HELZ: variants seen among roughly 807,000 people sequenced by gnomAD.
The protein encoded by HELZ is helicase with zinc finger.
HELZ carries 23 observed loss-of-function variants against 218.2 expected under a neutral mutation model. The observed-to-expected ratio is 0.11, with a 90% CI of 0.08 to 0.15. The LOEUF (loss-of-function observed/expected upper bound fraction) is 0.15. HELZ is among the 10% of genes least tolerant of loss of function. HELZ has a pLI of 1.00. For synonymous variants in HELZ, 814 were observed against 829.4 expected, an observed-to-expected ratio of 0.98 and a Z score of 0.32; for missense variants, 1,813 against 2,353.7, an observed-to-expected ratio of 0.77 and a Z score of 4.75.
intron 13 of HELZ, among the ~76,000 whole-genome samples, chr17:67,170,555 G>A (rs564749325): frequency 6.6e-6 from 1 of 152,100 alleles, no homozygotes; most frequent in East Asian, 1.9e-4. Flanking sequence ...GGCCAGGCAT[G>A]GGGGCTCACA....
intron 24 of HELZ, among the ~76,000 whole-genome samples, chr17:67,127,618 C>T (rs150031260): frequency 2.3e-3 from 349 of 152,270 alleles, no homozygotes; most frequent in African/African-American, 8.0e-3. Context: ...GAAGCCAAGG[C>T]GTGCAGATCA....
At chr17:67,165,914 T>G (rs910497038) in intron 15 of HELZ, among the ~76,000 whole-genome samples, 3 of 152,172 alleles carry the variant, frequency 2.0e-5, no homozygotes, top group Non-Finnish European at 2.9e-5. Context: ...GGAAGGTCTC[T>G]TGAGGCCAGG....
rs192553097 is a variant in HELZ at position 67,168,133 on chromosome 17, C to G, written c.1431-337G>C. Among the ~76,000 whole-genome samples, 422 of 152,192 alleles carry G rather than the reference C, an allele frequency of 2.8e-3. 7 individuals are homozygous for G. The highest frequency in any genetic ancestry group is 1.7e-3 in the Non-Finnish European group (116 of 68,000). Reference sequence around the variant, plus strand: ...AGTAGCTGGGATTACAGATGCCCACCACGCCCGGCTAATTTTTGTATTTTT... The same window carrying G: ...AGTAGCTGGGATTACAGATGCCCACGACGCCCGGCTAATTTTTGTATTTTT... On this transcript the variant is annotated intron_variant, in intron 13 of 32. Coordinates refer to ENST00000358691, the MANE Select transcript of HELZ (RefSeq NM_014877.4).
At chr17:67,159,833 C>T (rs1027235925) in intron 17 of HELZ, among the ~76,000 whole-genome samples, 4 of 152,138 alleles carry the variant, frequency 2.6e-5, no homozygotes, top group Admixed American at 2.6e-4. Context: ...TAATGTGTAG[C>T]TTCTATGAAA....
At position 67,070,790 on chromosome 17, in the gene HELZ, T is replaced by C. The variant is rs2035867489; in HGVS notation, c.*7462A>G. The C allele has an allele frequency of 6.6e-6, 1 of 152,206 alleles. No homozygotes were observed. 9.4% of individuals were successfully genotyped at this position (152,206 alleles called of 1,614,324 possible). Reference sequence around the variant, plus strand: ...TTACTGCAAAGAAAAAAAATTGTTATAATTTTGCCATAAGTTATGCCTATT... The same window carrying C: ...TTACTGCAAAGAAAAAAAATTGTTACAATTTTGCCATAAGTTATGCCTATT... On this transcript the variant is annotated 3_prime_UTR_variant, in exon 33 of 33. Transcript: ENST00000358691.
chr17:67,081,402 T>C (rs1289979217), intron 32 of HELZ, among the ~76,000 whole-genome samples: 1 of 152,154 alleles, frequency 6.6e-6, no homozygotes, highest in Non-Finnish European at 1.5e-5. Context: ...CGGTAAAAGG[T>C]TAATATTAGA....
Position 67,108,651 on chromosome 17 carries a change from T to C in HELZ, c.4565A>G (p.His1522Arg), listed in dbSNP as rs746029485. Residue 1522 changes from histidine to arginine, a missense_variant, in exon 30 of 33, where the codon CAT becomes CGT. Around this residue, in one of 4 missense-constraint regions of HELZ, gnomAD observed 938 missense variants for 1,027.5 expected, o/e 0.91. Transcript: ENST00000358691. The surrounding 1 kb of genome is among the most constrained non-coding windows in gnomAD (Gnocchi z 4.1). ...AGCGCTGCCCTGACTGAGAAAGGCA[T>C]GATGCTCGCTCCACTGCTGGAACCG... ...QARFQQWSEH[H>R]AFLSQGSAPY... is the part of the protein sequence containing the mutation. 1.2e-6 allele frequency: 2 copies of C among 1,614,088 alleles called. No homozygotes were observed. The highest frequency in any genetic ancestry group is 2.2e-5 in the South Asian group (2 of 91,084).
At chr17:67,218,923 ACT>A in intron 3 of HELZ, 101 bp from the exon 4 acceptor site, 1 of 752,468 alleles carries the variant, frequency 1.3e-6, no homozygotes. Flanking sequence ...CTATCTGAAT[ACT>A]CTCAGCTAGC....
intron 3 of HELZ, among the ~76,000 whole-genome samples, chr17:67,231,529 C>T (rs1315584563): frequency 6.8e-6 from 1 of 146,732 alleles, no homozygotes; most frequent in African/African-American, 2.5e-5. Context: ...GGAGGCGGAG[C>T]TTGCAGTGAG....
At chr17:67,123,328 AT>A (rs1567819277) in intron 25 of HELZ, among the ~76,000 whole-genome samples, 168 bp from the exon 26 acceptor site, 1 of 151,946 alleles carries the variant, frequency 6.6e-6, no homozygotes, top group Non-Finnish European at 1.5e-5. Flanking sequence ...AAAAAAAAAA[AT>A]TTTTATAATG....
intron 31 of HELZ, among the ~76,000 whole-genome samples, chr17:67,098,007 A>T (rs2036801484): frequency 6.6e-6 from 1 of 152,222 alleles, no homozygotes. Flanking sequence ...ACTGGATACA[A>T]TTCAAGAAAT....
intron 5 of HELZ, among the ~76,000 whole-genome samples, chr17:67,213,893 A>C (rs1010373109): frequency 5.9e-5 from 9 of 152,196 alleles, no homozygotes; most frequent in African/African-American, 2.2e-4. Context: ...TGGTATACTG[A>C]TATGTAAGAA....
At chr17:67,159,952 TAA>T (rs759332886) in intron 17 of HELZ, among the ~76,000 whole-genome samples, 220 of 152,248 alleles carry the variant, frequency 1.4e-3, no homozygotes, top group Non-Finnish European at 1.2e-3. Context: ...AGATTTAATT[TAA>T]GTTATCATAT....
At chr17:67,226,799 G>A (rs2040905281) in intron 3 of HELZ, among the ~76,000 whole-genome samples, 1 of 152,026 alleles carries the variant, frequency 6.6e-6, no homozygotes, top group African/African-American at 2.4e-5. Context: ...AAACTACTCA[G>A]CAACAAAAAG....
At chr17:67,174,196 CT>C (rs1414959533) in intron 13 of HELZ, among the ~76,000 whole-genome samples, 1 of 145,308 alleles carries the variant, frequency 6.9e-6, no homozygotes, top group African/African-American at 2.7e-5. Context: ...AAAAATCATC[CT>C]TTAAAAAAAA....
intron 13 of HELZ, among the ~76,000 whole-genome samples, chr17:67,176,836 T>C (rs1428762975): frequency 6.6e-6 from 1 of 152,118 alleles, no homozygotes; most frequent in African/African-American, 2.4e-5. Flanking sequence ...AGTGAGACCC[T>C]GTCTCAAAAT....
chr17:67,194,136 C>A, intron 8 of HELZ, 94 bp from the exon 9 acceptor site: 1 of 820,948 alleles, frequency 1.2e-6, no homozygotes, highest in Non-Finnish European at 2.0e-6. Flanking sequence ...CCTCCACATA[C>A]ATCATCCCAT....
At chr17:67,223,964 A>G (rs2040821639) in intron 3 of HELZ, among the ~76,000 whole-genome samples, 1 of 152,180 alleles carries the variant, frequency 6.6e-6, no homozygotes, top group Non-Finnish European at 1.5e-5. Flanking sequence ...AATGAACGTT[A>G]GTTGTTCTGC....
At chr17:67,192,499 A>G (rs907033802) in intron 9 of HELZ, among the ~76,000 whole-genome samples, 3 of 152,150 alleles carry the variant, frequency 2.0e-5, no homozygotes, top group Admixed American at 1.3e-4. Context: ...TTTCTTTTCA[A>G]TATGTCTTAA....
Sources: gnomAD v4.1 joint callset for allele counts (sites outside exome capture counted in the v4.1 genomes callset) on GRCh38, gnomAD v4.1.1 for gene constraint, gnomAD v4.1.1 regional missense constraint, Gnocchi (gnomAD v3.1) non-coding constraint, MANE v1.5 for transcripts, NCBI Gene and HGNC (gene_info 2026-07-23, HGNC 2026-07-21) for gene names.